Variants in MAP2K5 observed in about 807,000 individuals in gnomAD.
MAP2K5 encodes dual specificity mitogen-activated protein kinase kinase 5.
A neutral mutation model predicts 83.1 loss-of-function variants in MAP2K5; 49 were observed. That is an observed-to-expected ratio of 0.59 (90% CI 0.47 to 0.75). The LOEUF (loss-of-function observed/expected upper bound fraction) is 0.75. Among genes scored for constraint, MAP2K5 ranks in the 30% least tolerant of loss-of-function variants. The pLI, the probability that MAP2K5 is intolerant of heterozygous loss-of-function variation, is 0.00. For missense variants in MAP2K5, 457 were observed against 557.5 expected, an observed-to-expected ratio of 0.82 and a Z score of 1.82; for synonymous variants, 202 against 191.8, an observed-to-expected ratio of 1.05 and a Z score of -0.44.
At position 67,758,471 on chromosome 15, in the gene MAP2K5, C is replaced by T. The variant is rs2089884028; in HGVS notation, c.1134+9870C>T. On this transcript the variant is annotated intron_variant, in intron 19 of 21. Transcript: ENST00000178640. This position sits in a 1 kb window ranked among gnomAD's most constrained non-coding sequence, Gnocchi z 4.7. ...TCATTCAAAACTATATTCATTCCTG[C>T]TCCAGATTCAATTATGAGTTTAACA... Among the ~76,000 whole-genome samples, 1 of 152,100 alleles carries T rather than the reference C, an allele frequency of 6.6e-6. No individual in the cohort carries two copies. Among genetic ancestry groups the T allele is most frequent in the South Asian group, 2.1e-4 (1 of 4,816 alleles).
chr15:67,610,515 A>T (rs1340385791), intron 8 of MAP2K5, among the ~76,000 whole-genome samples: 3 of 152,208 alleles, frequency 2.0e-5, no homozygotes, highest in African/African-American at 7.2e-5. Flanking sequence ...TTTGTGTACC[A>T]TAGCATCTAG....
chr15:67,603,754 T>A (rs1422681435), intron 8 of MAP2K5, among the ~76,000 whole-genome samples: 1 of 152,230 alleles, frequency 6.6e-6, no homozygotes, highest in Non-Finnish European at 1.5e-5. Flanking sequence ...GTGTTTGATG[T>A]GTTATGATTG....
intron 14 of MAP2K5, among the ~76,000 whole-genome samples, chr15:67,693,168 C>T (rs2088159288): frequency 6.6e-6 from 1 of 152,188 alleles, no homozygotes; most frequent in Non-Finnish European, 1.5e-5. Context: ...GGGCTTCATT[C>T]ACATCTTGAG....
intron 8 of MAP2K5, among the ~76,000 whole-genome samples, chr15:67,622,979 G>A (rs1032750142): frequency 2.2e-4 from 33 of 152,166 alleles, no homozygotes; most frequent in Non-Finnish European, 1.5e-5. Context: ...GTGGGCGCCT[G>A]TAGTCCCAGC....
intron 13 of MAP2K5, among the ~76,000 whole-genome samples, chr15:67,667,563 G>A (rs1163974304): frequency 6.6e-6 from 1 of 152,022 alleles, no homozygotes; most frequent in African/African-American, 2.4e-5. Flanking sequence ...ACTAATGAGT[G>A]ATCTATACCT....
chr15:67,692,454 A>T (rs1274187146), intron 13 of MAP2K5, 25 bp from the exon 14 acceptor site: 1 of 1,565,844 alleles, frequency 6.4e-7, no homozygotes, highest in Non-Finnish European at 8.8e-7. Flanking sequence ...AATTAGTTAC[A>T]TGGCCTTTTC....
intron 17 of MAP2K5, among the ~76,000 whole-genome samples, chr15:67,730,181 G>A (rs1031773527): frequency 6.6e-6 from 1 of 152,192 alleles, no homozygotes. Flanking sequence ...ATAAGCTGAA[G>A]ATTGGGAAAG....
chr15:67,696,865 G>T (rs1441269127), intron 15 of MAP2K5, among the ~76,000 whole-genome samples: 1 of 152,178 alleles, frequency 6.6e-6, no homozygotes, highest in Non-Finnish European at 1.5e-5. Flanking sequence ...TGTAATCCCA[G>T]CTACTCAGGA....
chr15:67,563,465 T>A lies in MAP2K5; in HGVS notation c.252+115T>A. On this transcript the variant is annotated intron_variant, in intron 3 of 21. Transcript: ENST00000178640. This position sits in a 1 kb window ranked among gnomAD's most constrained non-coding sequence, Gnocchi z 4.5. ...ATCACAGTTGTCATACATTTTTCTA[T>A]ATAATAGGTAAAGGTTTCAAGGATT... The A allele has an allele frequency of 7.5e-7, 1 of 1,325,448 alleles. No individual in the cohort carries two copies. Among genetic ancestry groups the A allele is most frequent in the Non-Finnish European group, 1.0e-6 (1 of 985,462 alleles). 82.1% of individuals were successfully genotyped at this position (1,325,448 alleles called of 1,614,324 possible). A position where few individuals can be genotyped will look rare whatever the true frequency, so the allele number is the denominator to read the frequency against.
rs541466562 is a variant in MAP2K5 at position 67,597,935 on chromosome 15, C to T, written c.481-2750C>T. ...AAAACACAGTCAGGCCGGGCGTGGT[C>T]GCTCATGCTTGTAATCCTAGCACTT... On this transcript the variant is annotated intron_variant, in intron 7 of 21. Transcript: ENST00000178640. Among the ~76,000 whole-genome samples the T allele has an allele frequency of 1.6e-4, 24 of 152,164 alleles. No individual in the cohort carries two copies. In the East Asian group the frequency reaches 2.5e-3, roughly 16 times the overall value.
Position 67,717,639 on chromosome 15 carries a change from C to G in MAP2K5, c.1045-10277C>G, listed in dbSNP as rs2088859025. On this transcript the variant is annotated intron_variant, in intron 16 of 21. Coordinates refer to ENST00000178640, the MANE Select transcript of MAP2K5 (RefSeq NM_145160.3). This position sits in a 1 kb window ranked among gnomAD's most constrained non-coding sequence, Gnocchi z 4.1. ...CTGTGGGTCAGGAATCCTAGCAAGG[C>G]CCAGCCATTCTATGTAGCATCAAAA... Among the ~76,000 whole-genome samples, 1 of 152,138 alleles carries G rather than the reference C, an allele frequency of 6.6e-6. No homozygotes were observed. The highest frequency in any genetic ancestry group is 6.5e-5 in the Admixed American group (1 of 15,278).
At position 67,793,096 on chromosome 15, in the gene MAP2K5, C is replaced by G. The variant is rs2090546092; in HGVS notation, c.1243-13550C>G. Among the ~76,000 whole-genome samples the G allele has an allele frequency of 2.6e-5, 4 of 152,354 alleles. No individual in the cohort carries two copies. The highest frequency in any genetic ancestry group is 1.3e-4 in the Admixed American group (2 of 15,306). On this transcript the variant is annotated intron_variant, in intron 21 of 21. Coordinates refer to ENST00000178640, the MANE Select transcript of MAP2K5 (RefSeq NM_145160.3). The surrounding 1 kb of genome is among the most constrained non-coding windows in gnomAD (Gnocchi z 4.6). ...GTCTTAAATGTGTTATAACACTGCT[C>G]TATCCTCTTAAACAGATTACATGCA...
At chr15:67,628,527 C>T in intron 8 of MAP2K5, 1 of 810,994 alleles carries the variant, frequency 1.2e-6, no homozygotes, top group Admixed American at 1.8e-5. Flanking sequence ...AGGAATATCA[C>T]CTAAGAGATT....
At chr15:67,726,903 A>T (rs556998390) in intron 16 of MAP2K5, among the ~76,000 whole-genome samples, 1 of 152,188 alleles carries the variant, frequency 6.6e-6, no homozygotes, top group Admixed American at 6.5e-5. Flanking sequence ...ATGTTTGTTA[A>T]ATTTTATCTT....
chr15:67,757,970 A>C lies in MAP2K5; in HGVS notation c.1134+9369A>C, dbSNP rs2089873205. Among the ~76,000 whole-genome samples, 1 of 152,174 alleles carries C rather than the reference A, an allele frequency of 6.6e-6. No homozygotes were observed. Among genetic ancestry groups the C allele is most frequent in the Non-Finnish European group, 1.5e-5 (1 of 68,032 alleles). ...CCTTGGAGAGATCTGAGGCCCCTGC[A>C]GGGAGTTCAGTATGGCTGGGGTGTT... On this transcript the variant is annotated intron_variant, in intron 19 of 21. Transcript: ENST00000178640. The surrounding 1 kb of genome is among the most constrained non-coding windows in gnomAD (Gnocchi z 4.9).
intron 14 of MAP2K5, among the ~76,000 whole-genome samples, chr15:67,692,993 G>A (rs1453518726): frequency 3.3e-5 from 5 of 152,164 alleles, no homozygotes; most frequent in Non-Finnish European, 5.9e-5. Context: ...GAGAAACCCA[G>A]TGATAGTGAC....
intron 4 of MAP2K5, among the ~76,000 whole-genome samples, chr15:67,584,831 G>A (rs1310233791): frequency 6.6e-6 from 1 of 151,322 alleles, no homozygotes; most frequent in Non-Finnish European, 1.5e-5. Flanking sequence ...CGAGTAGCTG[G>A]GACTACAGGC....
At chr15:67,547,030 A>G (rs972574366) in intron 1 of MAP2K5, among the ~76,000 whole-genome samples, 1 of 150,272 alleles carries the variant, frequency 6.7e-6, no homozygotes. Context: ...GCACCACTGC[A>G]CTCTAGCTTG....
chr15:67,773,257 A>T lies in MAP2K5; in HGVS notation c.1242+505A>T, dbSNP rs148121193. Among the ~76,000 whole-genome samples, 197 of 152,292 alleles carry T rather than the reference A, an allele frequency of 1.3e-3. 1 individual carries two copies. The highest frequency in any genetic ancestry group is 4.6e-3 in the African/African-American group (192 of 41,572). The stretch of plus-strand genomic sequence containing the variant: ...AGTGCTGTGTTCTCAGCTCCAAGGC[A>T]GCTTTCTTTGATTGCAAATGACAGT... On this transcript the variant is annotated intron_variant, in intron 21 of 21. Coordinates refer to ENST00000178640, the MANE Select transcript of MAP2K5 (RefSeq NM_145160.3).
Sources: allele counts gnomAD v4.1 joint callset (sites outside exome capture counted in the v4.1 genomes callset), GRCh38; gene constraint gnomAD v4.1.1; non-coding constraint Gnocchi (gnomAD v3.1); transcripts MANE v1.5; gene names NCBI Gene and HGNC (gene_info 2026-07-23, HGNC 2026-07-21).